Variants in TMEM230 observed in about 807,000 individuals in gnomAD.
TMEM230 encodes UPF0414 transmembrane protein C20orf30.
Under a neutral mutation model 15.8 loss-of-function variants are expected in TMEM230, and 10 were observed. The observed-to-expected ratio is 0.63, with a 90% CI of 0.39 to 1.07. TMEM230 has a LOEUF of 1.07. Among genes scored for constraint, TMEM230 ranks in the 50% least tolerant of loss-of-function variants. TMEM230 has a pLI of 0.01. For synonymous variants in TMEM230, 67 were observed against 76.9 expected (o/e 0.87, Z 0.68); for missense variants, 165 against 193.3 (o/e 0.85, Z 0.87).
At chr20:5,070,389 G>A (rs2088784359) in intron 3 of TMEM230, among the ~76,000 whole-genome samples, 1 of 152,202 alleles carries the variant, frequency 6.6e-6, no homozygotes, top group Non-Finnish European at 1.5e-5. Flanking sequence ...GCTGAGCCCA[G>A]TGAACTCGCA....
rs1429238151 is a variant in TMEM230 at position 5,099,959 on chromosome 20, T to G, written c.*832A>C. ...AAAAAATAGAATCAAACTAAGGTGA[T>G]CTAGTCCTCTAGGCATCCAGGCTGA... is the stretch of plus-strand genomic sequence containing the variant. On this transcript the variant is annotated 3_prime_UTR_variant, in exon 5 of 5. Transcript: ENST00000342308. 1.0e-6 allele frequency: 1 copy of G among 985,338 alleles called. No individual in the cohort carries two copies. Among genetic ancestry groups the G allele is most frequent in the East Asian group, 1.1e-4 (1 of 8,832 alleles). The allele number at this position is 985,338 out of a possible 1,614,324, so 61.0% of individuals were successfully genotyped here.
chr20:5,109,863 C>T (rs546908751), intron 2 of TMEM230, among the ~76,000 whole-genome samples: 4 of 152,272 alleles, frequency 2.6e-5, no homozygotes, highest in Admixed American at 1.3e-4. Context: ...CCCCTGCTCC[C>T]GCTCTTAAGA....
chr20:5,083,930 T>C (rs1185875085), intron 3 of TMEM230, among the ~76,000 whole-genome samples: 2 of 152,162 alleles, frequency 1.3e-5, no homozygotes, highest in African/African-American at 4.8e-5. Flanking sequence ...TCGTGGGGGT[T>C]TGGTATACTG....
chr20:5,087,113 A>G (rs1035455455), intron 3 of TMEM230, among the ~76,000 whole-genome samples: 1 of 152,174 alleles, frequency 6.6e-6, no homozygotes, highest in Non-Finnish European at 1.5e-5. Context: ...GATGCAAGCA[A>G]TCCTCCTGCC....
At chr20:5,109,690 C>T (rs564561032) in intron 2 of TMEM230, among the ~76,000 whole-genome samples, 1 of 152,338 alleles carries the variant, frequency 6.6e-6, no homozygotes, top group African/African-American at 2.4e-5. Flanking sequence ...CTAGTCTGGT[C>T]TGTCCTTGTA....
chr20:5,076,956 G>A (rs975857159), intron 3 of TMEM230, among the ~76,000 whole-genome samples: 1 of 151,398 alleles, frequency 6.6e-6, no homozygotes, highest in Non-Finnish European at 1.5e-5. Context: ...GGGATTACAG[G>A]TGTGAGCCAC....
chr20:5,068,381 A>G (rs1279334569), downstream of TMEM230: 1 of 152,240 alleles, frequency 6.6e-6, no homozygotes, highest in Non-Finnish European at 1.5e-5. Context: ...TAGGTAATTT[A>G]TAAAGAAAAG....
At chr20:5,080,544 A>C (rs2089149234) in intron 3 of TMEM230, among the ~76,000 whole-genome samples, 1 of 152,082 alleles carries the variant, frequency 6.6e-6, no homozygotes. Flanking sequence ...AAGTTCTTGA[A>C]ATTTTTAGTT....
chr20:5,060,621 G>C, the TMEM230 span, among the ~76,000 whole-genome samples: 1 of 152,166 alleles, frequency 6.6e-6, no homozygotes, highest in Admixed American at 6.6e-5. Flanking sequence ...ACAGGTGTGA[G>C]CCACTGTGCC....
chr20:5,064,064 C>T (rs559036873), downstream of TMEM230, among the ~76,000 whole-genome samples: 308 of 151,918 alleles, frequency 2.0e-3, no homozygotes, highest in Non-Finnish European at 3.3e-3. Flanking sequence ...GTCAGGAGTT[C>T]GAGACCAGCC....
Position 5,100,840 on chromosome 20 carries a change from T to C in TMEM230, c.503A>G (p.Lys168Arg), listed in dbSNP as rs1458619274. Residue 168 changes from lysine to arginine, a missense_variant, in exon 5 of 5, where the codon AAA becomes AGA. Coordinates refer to ENST00000342308, the MANE Select transcript of TMEM230 (RefSeq NM_001009923.2). Reference sequence around the variant, plus strand: ...ATCATAGGAGTAACCACGGTAGCCTTTGGATGCATAGTAAGCGATGCGCAG... The same window carrying C: ...ATCATAGGAGTAACCACGGTAGCCTCTGGATGCATAGTAAGCGATGCGCAG... The C allele has an allele frequency of 2.5e-6, 4 of 1,614,160 alleles. No homozygotes were observed. Among genetic ancestry groups the C allele is most frequent in the South Asian group, 1.1e-5 (1 of 91,076 alleles).
chr20:5,067,339 CAT>C (rs991970534), downstream of TMEM230: 1 of 148,336 alleles, frequency 6.7e-6, no homozygotes, highest in African/African-American at 2.5e-5. Flanking sequence ...GCAGTGGGAA[CAT>C]GTCAGGTGTC....
intron 3 of TMEM230, among the ~76,000 whole-genome samples, chr20:5,093,206 G>GA (rs367651277): frequency 3.9e-5 from 6 of 151,932 alleles, no homozygotes; most frequent in East Asian, 1.9e-4. Context: ...ACTATTCAAA[G>GA]AAAAAAAAGA....
At chr20:5,059,472 T>C in the TMEM230 span, among the ~76,000 whole-genome samples, 88 of 152,294 alleles carry the variant, frequency 5.8e-4, no homozygotes, top group African/African-American at 2.0e-3. Context: ...TAATACCCAG[T>C]TGAAGGAATA....
At chr20:5,102,905 A>G (rs1334119472) in intron 4 of TMEM230, among the ~76,000 whole-genome samples, 3 of 152,350 alleles carry the variant, frequency 2.0e-5, no homozygotes, top group Non-Finnish European at 4.4e-5. Flanking sequence ...ACTGAATTCA[A>G]CAATACATTA....
At chr20:5,102,278 G>GA in intron 4 of TMEM230, among the ~76,000 whole-genome samples, 1 of 152,090 alleles carries the variant, frequency 6.6e-6, no homozygotes, top group Admixed American at 6.5e-5. Flanking sequence ...ATTGAACAAT[G>GA]AAAAAAATCT....
At chr20:5,109,507 A>C in intron 2 of TMEM230, 62 bp from the exon 2 acceptor site, 1 of 1,302,178 alleles carries the variant, frequency 7.7e-7, no homozygotes, top group Non-Finnish European at 1.1e-6. Context: ...ATTATAGCCA[A>C]TGAGTTCAGG....
At chr20:5,111,824 A>G in intron 1 of TMEM230, 3 of 975,224 alleles carry the variant, frequency 3.1e-6, no homozygotes, top group Non-Finnish European at 3.7e-6. Context: ...TCCAAAAAAT[A>G]ACAAATTGTT....
chr20:5,100,779 A>G lies in TMEM230; in HGVS notation c.*12T>C. 6.2e-7 allele frequency: 1 copy of G among 1,612,738 alleles called. No homozygotes were observed. The highest frequency in any genetic ancestry group is 1.1e-5 in the South Asian group (1 of 91,000). Reference sequence around the variant, plus strand: ...GTTCCACTGTGACTCCTCCTCAGCTATGGGGTGGGTGCTAGTCATCAAAGT... The same window carrying G: ...GTTCCACTGTGACTCCTCCTCAGCTGTGGGGTGGGTGCTAGTCATCAAAGT... On this transcript the variant is annotated 3_prime_UTR_variant, in exon 5 of 5. Coordinates refer to ENST00000342308, the MANE Select transcript of TMEM230 (RefSeq NM_001009923.2).
Sources: allele counts gnomAD v4.1 joint callset (sites outside exome capture counted in the v4.1 genomes callset), GRCh38; gene constraint gnomAD v4.1.1; transcripts MANE v1.5; gene names NCBI Gene and HGNC (gene_info 2026-07-23, HGNC 2026-07-21).